Variants in ZNF174 observed in about 807,000 individuals in gnomAD.
The protein encoded by ZNF174 is zinc finger protein 174.
Under a neutral mutation model 38.7 loss-of-function variants are expected in ZNF174, and 30 were observed. The observed-to-expected ratio is 0.78, with a 90% CI of 0.58 to 1.05. The LOEUF is 1.05. Ranked by LOEUF, ZNF174 falls within the 50% of genes least tolerant of loss-of-function variation. The pLI is 0.00. For synonymous variants in ZNF174, 201 were observed against 181.7 expected, an observed-to-expected ratio of 1.11 and a Z score of -0.86; for missense variants, 499 against 495.6, an observed-to-expected ratio of 1.01 and a Z score of -0.06.
chr16:3,406,974 G>C (rs1010820996), intron 2 of ZNF174, among the ~76,000 whole-genome samples: 1 of 152,126 alleles, frequency 6.6e-6, no homozygotes, highest in African/African-American at 2.4e-5. Context: ...TATAGGTTTT[G>C]AGGTAGGGGT....
Position 3,408,690 on chromosome 16 carries a change from G to T in ZNF174, c.995G>T (p.Gly332Val), listed in dbSNP as rs140726491. 6.2e-7 allele frequency: 1 copy of T among 1,614,018 alleles called. No homozygotes were observed. Among genetic ancestry groups the T allele is most frequent in the Non-Finnish European group, 8.5e-7 (1 of 1,180,034 alleles). The stretch of plus-strand genomic sequence containing the variant: ...AAACCCTACAAATGTGATGACTGTG[G>T]GAAAAGCTTCACGTGGAATTCAGAG... ...AKKPYKCDDCGKSFTWNSELK... is the reference protein window; with the variant it reads ...AKKPYKCDDCVKSFTWNSELK... Residue 332 changes from glycine to valine, a missense_variant, in exon 3 of 3, where the codon GGG (glycine) becomes GTG (valine). Gly to Val is a moderately radical substitution (Grantham distance 109). Transcript: ENST00000268655.
At chr16:3,404,998 C>G (rs926114268) in intron 2 of ZNF174, 2 of 1,613,752 alleles carry the variant, frequency 1.2e-6, no homozygotes, top group East Asian at 2.2e-5. Flanking sequence ...AAATGCTCCT[C>G]TGTTTAGAGG....
intron 2 of ZNF174, 114 bp downstream of exon 2, chr16:3,404,762 A>G: frequency 1.3e-6 from 2 of 1,500,016 alleles, no homozygotes; most frequent in Non-Finnish European, 1.8e-6. Context: ...TGTTATATAT[A>G]ATAGTAGATG....
At chr16:3,406,853 A>G (rs902218682) in intron 2 of ZNF174, among the ~76,000 whole-genome samples, 1 of 152,218 alleles carries the variant, frequency 6.6e-6, no homozygotes, top group Non-Finnish European at 1.5e-5. Flanking sequence ...CAAGGGCACA[A>G]ATATGTACAG....
In ZNF174 at chr16:3,408,500, G is replaced by A; in HGVS notation, c.805G>A (p.Ala269Thr). ...LSRRQVSSPN[A>T]QKPFAHYQRH... ...ACGGAGGCAGGTCAGCTCCCCAAAT[G>A]CTCAAAAGCCATTTGCTCACTACCA... Residue 269 changes from alanine (A) to threonine (T), a missense_variant, in exon 3 of 3, where the codon GCT becomes ACT. Transcript: ENST00000268655. 1.9e-6 allele frequency: 3 copies of A among 1,614,102 alleles called. No individual in the cohort carries two copies. The highest frequency in any genetic ancestry group is 2.5e-6 in the Non-Finnish European group (3 of 1,180,016).
chr16:3,408,949 G>T lies in ZNF174; in HGVS notation c.*30G>T, dbSNP rs371971898. On this transcript the variant is annotated 3_prime_UTR_variant, in exon 3 of 3. Coordinates refer to ENST00000268655, the MANE Select transcript of ZNF174 (RefSeq NM_003450.3). The stretch of plus-strand genomic sequence containing the variant: ...AGCACTCCATGCTTTAGATTCACAC[G>T]GAAGGTGTTTGTGTTTCTCCTCCCC... 76 of 1,556,104 alleles carry T rather than the reference G, an allele frequency of 4.9e-5. No homozygotes were observed. In the African/African-American group the frequency reaches 9.6e-4, roughly 20 times the overall value.
intron 2 of ZNF174, chr16:3,405,090 A>G: frequency 6.6e-7 from 1 of 1,505,950 alleles, no homozygotes; most frequent in South Asian, 1.3e-5. Flanking sequence ...AGATCCTCAA[A>G]TCTATTTCCC....
rs779066445 is a variant in ZNF174 at position 3,408,429 on chromosome 16, A to G, written c.734A>G (p.Gln245Arg). The G allele has an allele frequency of 1.2e-6, 2 of 1,614,200 alleles. No individual in the cohort carries two copies. Among genetic ancestry groups the G allele is most frequent in the South Asian group, 1.1e-5 (1 of 91,082 alleles). ...GGCAGATCCAAAGGGAATGGTCTGCAGAATCCTGAACCAAGAGGGGCAAAT... is the reference window on the plus strand; with the variant it reads ...GGCAGATCCAAAGGGAATGGTCTGCGGAATCCTGAACCAAGAGGGGCAAAT... ...SAGRSKGNGL[Q>R]NPEPRGANMS... The change falls in exon 3 of 3, where the codon CAG becomes CGG. Residue 245 changes from glutamine to arginine, a missense_variant. Coordinates refer to ENST00000268655, the MANE Select transcript of ZNF174 (RefSeq NM_003450.3).
In ZNF174 at chr16:3,402,379, C is replaced by T. The variant is rs369735925; in HGVS notation, c.375C>T (p.His125=). 5.0e-6 allele frequency: 8 copies of T among 1,613,772 alleles called. No individual in the cohort carries two copies. Among genetic ancestry groups the T allele is most frequent in the Non-Finnish European group, 6.8e-6 (8 of 1,179,980 alleles). Residue 125 remains histidine (H), a synonymous_variant, in exon 1 of 3, where the codon CAC becomes CAT. Coordinates refer to ENST00000268655, the MANE Select transcript of ZNF174 (RefSeq NM_003450.3). ...KEIVTLVEDF[H]RASKKPKQWV... is the part of the protein sequence containing the mutation. ...TTGTGACCCTCGTGGAAGATTTTCA[C>T]AGAGCATCCAAGAAACCAAAGCAGT...
Position 3,405,000 on chromosome 16 carries a change from G to C in ZNF174, c.625+352G>C, listed in dbSNP as rs202016480. 3 of 1,611,612 alleles carry C rather than the reference G, an allele frequency of 1.9e-6. No individual in the cohort carries two copies. In the East Asian group the frequency reaches 6.7e-5, roughly 36 times the overall value. ...GTTTCATTGCTTAAAATGCTCCTCT[G>C]TTTAGAGGGGCCTGGTAGAAATAAA... is the stretch of plus-strand genomic sequence containing the variant. On this transcript the variant is annotated intron_variant, in intron 2 of 2. Coordinates refer to ENST00000268655, the MANE Select transcript of ZNF174 (RefSeq NM_003450.3).
intron 2 of ZNF174, among the ~76,000 whole-genome samples, chr16:3,407,948 C>G (rs555390531): frequency 6.6e-6 from 1 of 152,352 alleles, no homozygotes; most frequent in Non-Finnish European, 1.5e-5. Context: ...GATTTCACCT[C>G]TCTTCCTTCT....
chr16:3,402,442 CT>C, intron 1 of ZNF174, 36 bp downstream of exon 1: 1 of 1,303,508 alleles, frequency 7.7e-7, no homozygotes, highest in Non-Finnish European at 1.0e-6. Context: ...CTGGGGATTT[CT>C]TTTTCTTTTC....
chr16:3,403,861 C>G (rs1454609099), intron 1 of ZNF174, among the ~76,000 whole-genome samples: 1 of 152,198 alleles, frequency 6.6e-6, no homozygotes, highest in Non-Finnish European at 1.5e-5. Context: ...CTCCCCGCCC[C>G]GAAGTCAGAC....
At chr16:3,403,969 C>T (rs2034012062) in intron 1 of ZNF174, among the ~76,000 whole-genome samples, 2 of 152,208 alleles carry the variant, frequency 1.3e-5, no homozygotes, top group Non-Finnish European at 2.9e-5. Context: ...ACCCCTACTA[C>T]TACTGGGATC....
In ZNF174 at chr16:3,409,122, C is replaced by T. The variant is rs1596259167; in HGVS notation, c.*203C>T. The T allele has an allele frequency of 3.4e-6, 2 of 591,890 alleles. No homozygotes were observed. Among genetic ancestry groups the T allele is most frequent in the East Asian group, 5.7e-5 (2 of 34,930 alleles). 36.7% of individuals were successfully genotyped at this position (591,890 alleles called of 1,614,324 possible). A position where few individuals can be genotyped will look rare whatever the true frequency, so the allele number is the denominator to read the frequency against. On this transcript the variant is annotated 3_prime_UTR_variant, in exon 3 of 3. Coordinates refer to ENST00000268655, the MANE Select transcript of ZNF174 (RefSeq NM_003450.3). ...GCATGATGACAGGGTGAAGAGAAGG[C>T]AGGTCTGGGCACTGGGGCAAAGAGA...
At position 3,404,611 on chromosome 16, in the gene ZNF174, A is replaced by G; in HGVS notation, c.588A>G (p.Pro196=). The change falls in exon 2 of 3, where the codon CCA becomes CCG. Residue 196 remains proline, a synonymous_variant. Coordinates refer to ENST00000268655, the MANE Select transcript of ZNF174 (RefSeq NM_003450.3). The stretch of plus-strand genomic sequence containing the variant: ...GCCCCCATCATTGGGAGAAATCCCC[A>G]CTCCTCCAAGAACCAACCCCCAAAT... ...RLSPHHWEKS[P]LLQEPTPKLA... The G allele has an allele frequency of 6.2e-7, 1 of 1,613,958 alleles. No individual in the cohort carries two copies. Among genetic ancestry groups the G allele is most frequent in the Non-Finnish European group, 8.5e-7 (1 of 1,179,982 alleles).
In ZNF174 at chr16:3,408,934, G is replaced by A; in HGVS notation, c.*15G>A. ...ATGGGGACTAAAAGGAGCACTCCAT[G>A]CTTTAGATTCACACGGAAGGTGTTT... On this transcript the variant is annotated 3_prime_UTR_variant, in exon 3 of 3. Coordinates refer to ENST00000268655, the MANE Select transcript of ZNF174 (RefSeq NM_003450.3). The A allele has an allele frequency of 6.3e-7, 1 of 1,582,280 alleles. No homozygotes were observed. Among genetic ancestry groups the A allele is most frequent in the Non-Finnish European group, 8.6e-7 (1 of 1,162,742 alleles).
Position 3,404,472 on chromosome 16 carries a change from G to A in ZNF174, c.449G>A (p.Gly150Glu), listed in dbSNP as rs1448527649. 4 of 1,611,418 alleles carry A rather than the reference G, an allele frequency of 2.5e-6. No individual in the cohort carries two copies. The highest frequency in any genetic ancestry group is 1.3e-5 in the African/African-American group (1 of 74,850). ...CAAAAGGTGCTCTTGGAGAAAACTGGATCTCAGCTTGGAGAACAGGAACTG... is the reference window on the plus strand; with the variant it reads ...CAAAAGGTGCTCTTGGAGAAAACTGAATCTCAGCTTGGAGAACAGGAACTG... ...QGQKVLLEKT[G>E]SQLGEQELPD... The change falls in exon 2 of 3, where the codon GGA becomes GAA. Residue 150 changes from glycine to glutamate, a missense_variant. Physicochemically the swap from Gly to Glu is moderately conservative, Grantham distance 98. Coordinates refer to ENST00000268655, the MANE Select transcript of ZNF174 (RefSeq NM_003450.3).
intron 1 of ZNF174, among the ~76,000 whole-genome samples, chr16:3,403,513 G>T (rs1236409398): frequency 6.8e-6 from 1 of 147,674 alleles, no homozygotes; most frequent in Middle Eastern, 3.5e-3. Context: ...TTGAGACTGG[G>T]TCTCACTGTG....
Sources: allele counts gnomAD v4.1 joint callset (sites outside exome capture counted in the v4.1 genomes callset), GRCh38; gene constraint gnomAD v4.1.1; transcripts MANE v1.5; gene names NCBI Gene and HGNC (gene_info 2026-07-23, HGNC 2026-07-21).